Variants in ZPBP observed in about 807,000 individuals in gnomAD.
ZPBP encodes zona pellucida-binding protein 1.
In ZPBP, 26 loss-of-function variants were observed where a neutral mutation model predicts 44.8. The ratio of observed to expected loss-of-function variants is 0.58; its 90% CI spans 0.43 to 0.81. ZPBP has a LOEUF of 0.81. ZPBP is among the 30% of genes least tolerant of loss of function. The pLI, the probability that ZPBP is intolerant of heterozygous loss-of-function variation, is 0.00. For synonymous variants in ZPBP, 174 were observed against 153.2 expected, an observed-to-expected ratio of 1.14 and a Z score of -1.00; for missense variants, 409 against 434.0, an observed-to-expected ratio of 0.94 and a Z score of 0.51.
intron 2 of ZPBP, among the ~76,000 whole-genome samples, chr7:49,861,526 T>G (rs1177536998): frequency 1.3e-5 from 2 of 152,264 alleles, no homozygotes; most frequent in East Asian, 3.8e-4. Context: ...TTTTTTCTTC[T>G]GTTGTTCATG....
chr7:50,067,101 C>G (rs531618299), intron 3 of ZPBP, among the ~76,000 whole-genome samples: 153 of 152,260 alleles, frequency 1.0e-3, no homozygotes, highest in African/African-American at 3.4e-3. Context: ...AAAGGGTGTA[C>G]TGGGTCTGTT....
intron 2 of ZPBP, among the ~76,000 whole-genome samples, chr7:49,862,212 T>G (rs947483922): frequency 1.3e-5 from 2 of 152,204 alleles, no homozygotes; most frequent in Non-Finnish European, 2.9e-5. Flanking sequence ...TATTCCTAGA[T>G]ATTTTATTAT....
At chr7:50,038,539 T>C (rs901264036) in intron 4 of ZPBP, among the ~76,000 whole-genome samples, 3 of 152,210 alleles carry the variant, frequency 2.0e-5, no homozygotes, top group African/African-American at 7.2e-5. Context: ...TGAGTGAGTA[T>C]GTTTAGGAAA....
intron 2 of ZPBP, among the ~76,000 whole-genome samples, chr7:49,881,985 T>A (rs1214270628): frequency 6.6e-6 from 1 of 152,084 alleles, no homozygotes; most frequent in Non-Finnish European, 1.5e-5. Flanking sequence ...TATTATTTTA[T>A]AAGCCTAAGA....
intron 7 of ZPBP, among the ~76,000 whole-genome samples, chr7:49,968,574 A>G (rs1796157375): frequency 6.6e-6 from 1 of 152,120 alleles, no homozygotes; most frequent in African/African-American, 2.4e-5. Context: ...CTCATAAATT[A>G]CTGACGTAAG....
At chr7:50,012,686 G>A (rs1346040559) in intron 6 of ZPBP, among the ~76,000 whole-genome samples, 1 of 148,882 alleles carries the variant, frequency 6.7e-6, no homozygotes, top group African/African-American at 2.5e-5. Context: ...AAAACCTAGA[G>A]TTTGCATCAT....
intron 6 of ZPBP, among the ~76,000 whole-genome samples, chr7:50,017,969 A>C (rs1798897617): frequency 6.6e-6 from 1 of 152,094 alleles, no homozygotes; most frequent in Admixed American, 6.6e-5. Flanking sequence ...AATAACTATA[A>C]ATTAATTAGC....
chr7:49,987,019 C>T (rs10258861), intron 6 of ZPBP, among the ~76,000 whole-genome samples: 43,965 of 151,890 alleles, frequency 0.29, 6,991 homozygotes, highest in Non-Finnish European at 0.37. Context: ...TTTACAGCGG[C>T]GGCCTGGGTT....
chr7:49,989,300 T>G, intron 6 of ZPBP, among the ~76,000 whole-genome samples: 1 of 152,130 alleles, frequency 6.6e-6, no homozygotes, highest in East Asian at 1.9e-4. Flanking sequence ...AATGTCAGTT[T>G]CTAACAGGCC....
intron 7 of ZPBP, among the ~76,000 whole-genome samples, chr7:49,941,140 CAG>C (rs1491238991): frequency 6.6e-6 from 1 of 152,084 alleles, no homozygotes; most frequent in Admixed American, 6.6e-5. Context: ...ATTTAAAAAA[CAG>C]AAAATATTTA....
intron 5 of ZPBP, among the ~76,000 whole-genome samples, chr7:50,023,681 G>A (rs2220065): frequency 0.5 from 76,338 of 151,804 alleles, 19,957 homozygotes; most frequent in East Asian, 0.67. Context: ...ACTCAGATAC[G>A]GCAGAGATTT....
At chr7:49,849,925 CA>C (rs1181982441), downstream of ZPBP, among the ~76,000 whole-genome samples, 4 of 152,222 alleles carry the variant, frequency 2.6e-5, no homozygotes, top group Non-Finnish European at 4.4e-5. Context: ...CAAAAAAATT[CA>C]GTGCAATAGT....
intron 7 of ZPBP, among the ~76,000 whole-genome samples, chr7:49,953,995 GTCGAAAAAAA>G (rs1226860992): frequency 3.3e-5 from 5 of 151,926 alleles, no homozygotes; most frequent in African/African-American, 1.2e-4. Context: ...GCACTAAATA[GTCGAAAAAAA>G]TCGAAAAAGG....
rs1790621365 is a variant in ZPBP, at chr7:49,860,835, A to G, written n.510-10321T>C. Among the ~76,000 whole-genome samples, 4 of 152,330 alleles carry G rather than the reference A, an allele frequency of 2.6e-5. No individual in the cohort carries two copies. In the South Asian group the frequency reaches 8.3e-4, roughly 32 times the overall value. On this transcript the variant is annotated intron_variant and non_coding_transcript_variant, in intron 2 of 2. Coordinates refer to the ZPBP transcript ENST00000465922. ...GAAGAGACACCAAGGATGTGTGCAC[A>G]GAGAAAAGGCCATGTGAGGCCACAG... is the stretch of plus-strand genomic sequence containing the variant.
intron 3 of ZPBP, among the ~76,000 whole-genome samples, chr7:50,075,951 A>G (rs1424752578): frequency 1.3e-5 from 2 of 151,952 alleles, no homozygotes; most frequent in Non-Finnish European, 2.9e-5. Context: ...ACACATCATA[A>G]AAAGAAAACT....
chr7:49,877,299 T>C (rs527320781), intron 2 of ZPBP, among the ~76,000 whole-genome samples: 10 of 150,236 alleles, frequency 6.7e-5, no homozygotes, highest in Admixed American at 1.3e-4. Context: ...CCGTGTCTAC[T>C]AAAAATACAA....
At chr7:49,949,708 A>C (rs573131031) in intron 7 of ZPBP, among the ~76,000 whole-genome samples, 1 of 152,116 alleles carries the variant, frequency 6.6e-6, no homozygotes, top group Non-Finnish European at 1.5e-5. Flanking sequence ...ATGGATGGTG[A>C]TGATGATTTC....
At chr7:50,089,449 T>C (rs903539900) in intron 2 of ZPBP, among the ~76,000 whole-genome samples, 180 bp downstream of exon 2, 2 of 152,114 alleles carry the variant, frequency 1.3e-5, no homozygotes, top group Admixed American at 6.5e-5. Flanking sequence ...AGTTATAGCA[T>C]ATAGTATTAG....
chr7:49,982,277 T>G (rs71538361), intron 7 of ZPBP, among the ~76,000 whole-genome samples: 47 of 107,480 alleles, frequency 4.4e-4, no homozygotes, highest in African/African-American at 1.7e-3. Context: ...TATATATAAT[T>G]TATAATTATA....
Sources: gnomAD v4.1 joint callset for allele counts (sites outside exome capture counted in the v4.1 genomes callset) on GRCh38, gnomAD v4.1.1 for gene constraint, MANE v1.5 for transcripts, NCBI Gene and HGNC (gene_info 2026-07-23, HGNC 2026-07-21) for gene names.